The following F2R variants were observed in gnomAD, a reference collection of about 807,000 sequenced individuals.
F2R encodes the protein coagulation factor II thrombin receptor.
In F2R, 12 loss-of-function variants were observed where a neutral mutation model predicts 18.3. That is an observed-to-expected ratio of 0.66 (90% CI 0.42 to 1.06). F2R has a LOEUF of 1.06. F2R is among the 50% of genes least tolerant of loss of function. F2R has a pLI of 0.00. For synonymous variants in F2R, 210 were observed against 219.9 expected (o/e 0.95, Z 0.40); for missense variants, 438 against 530.8 (o/e 0.83, Z 1.72).
intron 1 of F2R, among the ~76,000 whole-genome samples, chr5:76,722,985 C>T (rs985393685): frequency 2.6e-5 from 4 of 151,644 alleles, no homozygotes; most frequent in African/African-American, 9.7e-5. Flanking sequence ...TTTAATTCTG[C>T]TTTTTCTGTA....
In F2R at chr5:76,732,295, T is replaced by G. The variant is rs775257242; in HGVS notation, c.89-19T>G. ...CGTTCACTTTTTACATTTAAAATTT[T>G]TTTAATTTTATTTTTCAGAATCAAA... On this transcript the variant is annotated intron_variant, in intron 1 of 1. Transcript: ENST00000319211. 24 of 1,552,246 alleles carry G rather than the reference T, an allele frequency of 1.5e-5. No homozygotes were observed. In the South Asian group the frequency reaches 3.0e-4, roughly 19 times the overall value.
At chr5:76,723,217 T>C (rs896926973) in intron 1 of F2R, among the ~76,000 whole-genome samples, 21 of 152,178 alleles carry the variant, frequency 1.4e-4, no homozygotes. Context: ...CATTCACATG[T>C]CCACATACTG....
Position 76,734,696 on chromosome 5 carries a change from C to T in F2R, c.*1193C>T, listed in dbSNP as rs1748748019. 1 of 152,290 alleles carries T rather than the reference C, an allele frequency of 6.6e-6. No homozygotes were observed. The highest frequency in any genetic ancestry group is 6.6e-5 in the Admixed American group (1 of 15,266). The allele number at this position is 152,290 out of a possible 1,614,324, so 9.4% of individuals were successfully genotyped here. ...ACCTGCCCTCAAGAGCAAAGTAGAT[C>T]ATGCATAGAGTGTGATGTATGTGTA... On this transcript the variant is annotated 3_prime_UTR_variant, in exon 2 of 2. Transcript: ENST00000319211.
intron 1 of F2R, among the ~76,000 whole-genome samples, chr5:76,723,016 A>G (rs911103825): frequency 2.0e-5 from 3 of 151,400 alleles, no homozygotes; most frequent in African/African-American, 7.3e-5. Context: ...TTGTTCACTT[A>G]CTGCTCTTGC....
intron 1 of F2R, among the ~76,000 whole-genome samples, chr5:76,721,368 T>G (rs900347402): frequency 3.8e-4 from 58 of 152,224 alleles, no homozygotes; most frequent in African/African-American, 1.4e-3. Flanking sequence ...TGAGAATTTT[T>G]TTCTGGGCAT....
rs139001726 is a variant in F2R at position 76,732,903 on chromosome 5, C to T, written c.678C>T (p.Ile226=). Residue 226 remains isoleucine, a synonymous_variant, in exon 2 of 2, where the codon ATC becomes ATT. Coordinates refer to ENST00000319211, the MANE Select transcript of F2R (RefSeq NM_001992.5). ...GGGCTTCCTTCACTTGTCTGGCCATCTGGGCTTTGGCCATCGCAGGGGTAG... is the reference window on the plus strand; with the variant it reads ...GGGCTTCCTTCACTTGTCTGGCCATTTGGGCTTTGGCCATCGCAGGGGTAG... The part of the protein sequence containing the change: ...LGRASFTCLA[I]WALAIAGVVP... 91 of 1,614,076 alleles carry T rather than the reference C, an allele frequency of 5.6e-5. No individual in the cohort carries two copies. In the African/African-American group the frequency reaches 1.2e-3, roughly 21 times the overall value.
intron 1 of F2R, among the ~76,000 whole-genome samples, chr5:76,722,861 G>C (rs1003673317): frequency 2.0e-5 from 3 of 151,464 alleles, no homozygotes; most frequent in African/African-American, 7.3e-5. Context: ...TGAGGCAGGA[G>C]AATCTCTTGA....
chr5:76,716,561 G>C (rs1017180156), intron 1 of F2R, 166 bp downstream of exon 1: 2 of 708,516 alleles, frequency 2.8e-6, no homozygotes, highest in Non-Finnish European at 2.3e-6. Context: ...TAGGTGGGGC[G>C]TGCCACCCCC....
chr5:76,725,716 G>A (rs1352252044), intron 1 of F2R, among the ~76,000 whole-genome samples: 2 of 152,022 alleles, frequency 1.3e-5, no homozygotes, highest in Non-Finnish European at 2.9e-5. Context: ...ACCTTAGGCA[G>A]CGATATTTAA....
chr5:76,719,947 T>A (rs1234574286), intron 1 of F2R, among the ~76,000 whole-genome samples: 2 of 152,178 alleles, frequency 1.3e-5, no homozygotes, highest in Non-Finnish European at 2.9e-5. Flanking sequence ...AATCAGATGT[T>A]ACAAGAGATA....
chr5:76,723,146 C>T (rs193135017), intron 1 of F2R, among the ~76,000 whole-genome samples: 8 of 152,264 alleles, frequency 5.3e-5, no homozygotes, highest in Admixed American at 1.3e-4. Flanking sequence ...GGTTGGTGTG[C>T]AGCCAAAGTC....
chr5:76,724,195 G>A (rs1202898701), intron 1 of F2R, among the ~76,000 whole-genome samples: 1 of 152,022 alleles, frequency 6.6e-6, no homozygotes, highest in Non-Finnish European at 1.5e-5. Flanking sequence ...AGACTCCAAA[G>A]TAGCTGGGAC....
intron 1 of F2R, among the ~76,000 whole-genome samples, chr5:76,731,190 T>C (rs892270076): frequency 2.6e-5 from 4 of 152,224 alleles, no homozygotes; most frequent in African/African-American, 4.8e-5. Context: ...GACCCAGATA[T>C]AGTGAGAGAT....
In F2R at chr5:76,733,645, C is replaced by A. The variant is rs1029028513; in HGVS notation, c.*142C>A. On this transcript the variant is annotated 3_prime_UTR_variant, in exon 2 of 2. Coordinates refer to ENST00000319211, the MANE Select transcript of F2R (RefSeq NM_001992.5). Reference sequence around the variant, plus strand: ...CTTGCATACCTGCTTTTTATGGGAGCTGTCAAGCATGTATTTTTGTCAATT... The same window carrying A: ...CTTGCATACCTGCTTTTTATGGGAGATGTCAAGCATGTATTTTTGTCAATT... The A allele has an allele frequency of 2.9e-5, 19 of 649,492 alleles. No individual in the cohort carries two copies. Among genetic ancestry groups the A allele is most frequent in the Non-Finnish European group, 4.6e-5 (18 of 387,538 alleles). 40.2% of individuals were successfully genotyped at this position (649,492 alleles called of 1,614,324 possible).
Position 76,732,458 on chromosome 5 carries a change from G to T in F2R, c.233G>T (p.Ser78Ile), listed in dbSNP as rs772426238. Residue 78 changes from serine (S) to isoleucine (I), a missense_variant, in exon 2 of 2, where the codon AGT (serine) becomes ATT (isoleucine). Ser to Ile is a moderately radical substitution (Grantham distance 142, BLOSUM62 -2). Coordinates refer to ENST00000319211, the MANE Select transcript of F2R (RefSeq NM_001992.5). Reference protein sequence around the residue: ...EYRLVSINKSSPLQKQLPAFI... With the variant: ...EYRLVSINKSIPLQKQLPAFI... ...AGATTAGTCTCCATCAATAAAAGCAGTCCTCTTCAAAAACAACTTCCTGCA... is the reference window on the plus strand; with the variant it reads ...AGATTAGTCTCCATCAATAAAAGCATTCCTCTTCAAAAACAACTTCCTGCA... 2 of 1,614,152 alleles carry T rather than the reference G, an allele frequency of 1.2e-6. No homozygotes were observed. Among genetic ancestry groups the T allele is most frequent in the South Asian group, 2.2e-5 (2 of 91,086 alleles).
chr5:76,721,379 G>A (rs995911638), intron 1 of F2R, among the ~76,000 whole-genome samples: 3 of 152,046 alleles, frequency 2.0e-5, no homozygotes, highest in African/African-American at 4.8e-5. Flanking sequence ...TTCTGGGCAT[G>A]AGCTTTCACT....
In F2R at chr5:76,732,488, T is replaced by A; in HGVS notation, c.263T>A (p.Ile88Asn). 1.2e-6 allele frequency: 2 copies of A among 1,614,192 alleles called. No homozygotes were observed. Among genetic ancestry groups the A allele is most frequent in the Non-Finnish European group, 1.7e-6 (2 of 1,180,034 alleles). ...CTTCAAAAACAACTTCCTGCATTCA[T>A]CTCAGAAGATGCCTCCGGATATTTG... ...SPLQKQLPAF[I>N]SEDASGYLTS... Residue 88 changes from isoleucine to asparagine, a missense_variant, in exon 2 of 2, where the codon ATC (isoleucine) becomes AAC (asparagine). Transcript: ENST00000319211.
In F2R at chr5:76,716,221, G is replaced by A. The variant is rs1405330001; in HGVS notation, c.-87G>A. The A allele has an allele frequency of 1.8e-6, 2 of 1,100,150 alleles. No individual in the cohort carries two copies. Among genetic ancestry groups the A allele is most frequent in the Non-Finnish European group, 2.4e-6 (2 of 849,432 alleles). 68.1% of individuals were successfully genotyped at this position (1,100,150 alleles called of 1,614,324 possible). On this transcript the variant is annotated 5_prime_UTR_variant, in exon 1 of 2. Coordinates refer to ENST00000319211, the MANE Select transcript of F2R (RefSeq NM_001992.5). ...TGCCTGCCGCGAAGACCGGCTCCCC[G>A]ACCCGCAGAAGTCAGGAGAGAGGGT...
intron 1 of F2R, among the ~76,000 whole-genome samples, chr5:76,726,225 C>A (rs1210126823): frequency 6.6e-6 from 1 of 151,942 alleles, no homozygotes; most frequent in Admixed American, 6.6e-5. Flanking sequence ...CCCATCTCTA[C>A]TAAAAATACA....
Sources: allele counts gnomAD v4.1 joint callset (sites outside exome capture counted in the v4.1 genomes callset), GRCh38; gene constraint gnomAD v4.1.1; transcripts MANE v1.5; gene names NCBI Gene and HGNC (gene_info 2026-07-23, HGNC 2026-07-21).